CARMIL2: variants seen among roughly 807,000 people sequenced by gnomAD.
CARMIL2 encodes capping protein, Arp2/3 and myosin-I linker protein 2.
In CARMIL2, 96 loss-of-function variants were observed where a neutral mutation model predicts 173.3. That is an observed-to-expected ratio of 0.55 (90% CI 0.47 to 0.66). The LOEUF is 0.66. CARMIL2 is among the 30% of genes least tolerant of loss of function. The probability of loss-of-function intolerance (pLI) is 0.00; values close to 1 mark genes in which losing one functional copy is unlikely to be tolerated. For missense variants in CARMIL2, 1,771 were observed against 1,906.7 expected (o/e 0.93, Z 1.33); for synonymous variants, 830 against 817.1 (o/e 1.02, Z -0.27).
chr16:67,649,610 C>T lies in CARMIL2; in HGVS notation c.1910C>T (p.Ser637Leu), dbSNP rs1199727069. 1 of 1,591,246 alleles carries T rather than the reference C, an allele frequency of 6.3e-7. No homozygotes were observed. Among genetic ancestry groups the T allele is most frequent in the Non-Finnish European group, 8.5e-7 (1 of 1,174,170 alleles). ...KLLAKALRVN[S>L]RLRSVVWDRN... is the part of the protein sequence containing the mutation. ...CTGGCCAAGGCGCTGCGGGTCAACT[C>T]GAGGCTCCGGTGGGCGGGGTCAGAG... The change falls in exon 20 of 38, where the codon TCG becomes TTG. Residue 637 changes from serine (S) to leucine (L), a missense_variant. Around this residue, in one of 3 missense-constraint regions of CARMIL2, gnomAD observed 944 missense variants for 975.6 expected, o/e 0.97. Coordinates refer to ENST00000334583, the MANE Select transcript of CARMIL2 (RefSeq NM_001013838.3). The surrounding 1 kb of genome is among the most constrained non-coding windows in gnomAD (Gnocchi z 6.7).
Position 67,657,191 on chromosome 16 carries a change from A to AG in CARMIL2, c.4118-47dup. ...TGGAAGAGAGGGGCAGGGGATGGAC[A>AG]GACCCCAAGCCTTAGCAACCCACCC... On this transcript the variant is annotated intron_variant, in intron 36 of 37. Transcript: ENST00000334583. This position sits in a 1 kb window ranked among gnomAD's most constrained non-coding sequence, Gnocchi z 4.5. The AG allele has an allele frequency of 5.2e-6, 8 of 1,547,828 alleles. No individual in the cohort carries two copies. In the South Asian group the frequency reaches 8.0e-5, roughly 15 times the overall value.
intron 2 of CARMIL2, 45 bp from the exon 3 acceptor site, chr16:67,645,679 A>T: frequency 6.2e-7 from 1 of 1,613,268 alleles, no homozygotes; most frequent in Non-Finnish European, 8.5e-7. Context: ...GCCCCACAGA[A>T]AGAGCCTCTT....
In CARMIL2 at chr16:67,646,378, C is replaced by T. The variant is rs1387734471; in HGVS notation, c.375-48C>T. 1.2e-6 allele frequency: 2 copies of T among 1,607,126 alleles called. No homozygotes were observed. Among genetic ancestry groups the T allele is most frequent in the Non-Finnish European group, 1.7e-6 (2 of 1,175,354 alleles). On this transcript the variant is annotated intron_variant, in intron 5 of 37. Coordinates refer to ENST00000334583, the MANE Select transcript of CARMIL2 (RefSeq NM_001013838.3). The surrounding 1 kb of genome is among the most constrained non-coding windows in gnomAD (Gnocchi z 4.6). ...GTGCATGAGAAGGGCTGCTTCCCAT[C>T]CCAGAGGCTGGAAGTCCTTTGCCCC...
At position 67,653,124 on chromosome 16, in the gene CARMIL2, C is replaced by CA; in HGVS notation, c.2990_2991insA (p.Gly998TrpfsTer87). On this transcript the variant is annotated frameshift_variant, in exon 29 of 38. Coordinates refer to ENST00000334583, the MANE Select transcript of CARMIL2 (RefSeq NM_001013838.3). LOFTEE classifies it high-confidence loss of function. The surrounding 1 kb of genome is among the most constrained non-coding windows in gnomAD (Gnocchi z 7.4). ...CGCGGCTCTCCGAGCCCTGCCGCCC[C>CA]TGGGCCCCCGGCCGGCCCGCTGCCC... The CA allele has an allele frequency of 8.9e-7, 1 of 1,124,874 alleles. No homozygotes were observed. The highest frequency in any genetic ancestry group is 1.1e-6 in the Non-Finnish European group (1 of 918,318). 69.7% of individuals were successfully genotyped at this position (1,124,874 alleles called of 1,614,324 possible). A position where few individuals can be genotyped will look rare whatever the true frequency, so the allele number is the denominator to read the frequency against.
chr16:67,647,281 C>T lies in CARMIL2; in HGVS notation c.688-18C>T, dbSNP rs2052611947. The T allele has an allele frequency of 1.2e-6, 2 of 1,608,912 alleles. No individual in the cohort carries two copies. The highest frequency in any genetic ancestry group is 1.7e-5 in the Admixed American group (1 of 58,964). Reference sequence around the variant, plus strand: ...GGGCCAGGGTGCAGCCCGTGAGCCGCCGCCCTCTGCTTCTCAGAGCCTTGA... The same window carrying T: ...GGGCCAGGGTGCAGCCCGTGAGCCGTCGCCCTCTGCTTCTCAGAGCCTTGA... On this transcript the variant is annotated intron_variant, in intron 9 of 37. Coordinates refer to ENST00000334583, the MANE Select transcript of CARMIL2 (RefSeq NM_001013838.3).
At position 67,645,274 on chromosome 16, in the gene CARMIL2, T is replaced by A; in HGVS notation, c.28T>A (p.Cys10Ser). 6.2e-7 allele frequency: 1 copy of A among 1,604,226 alleles called. No individual in the cohort carries two copies. The highest frequency in any genetic ancestry group is 8.5e-7 in the Non-Finnish European group (1 of 1,176,092). The change falls in exon 1 of 38, where the codon TGT (cysteine) becomes AGT (serine). Residue 10 changes from cysteine (C) to serine (S), a missense_variant. Physicochemically the swap from Cys to Ser is moderately radical, Grantham distance 112. This residue lies in a region of CARMIL2 where 944 missense variants were observed against 975.6 expected (regional missense o/e 0.97). Coordinates refer to ENST00000334583, the MANE Select transcript of CARMIL2 (RefSeq NM_001013838.3). MAQTPDGISCELRGEITRFL... is the reference protein window; with the variant it reads MAQTPDGISSELRGEITRFL... ...GGCCCAGACCCCCGACGGCATCTCC[T>A]GTGAGCTCCGAGGTAAGCGCTGGCC...
Position 67,657,366 on chromosome 16 carries a change from A to T in CARMIL2, c.4196-40A>T. On this transcript the variant is annotated intron_variant, in intron 37 of 37. Transcript: ENST00000334583. The surrounding 1 kb of genome is among the most constrained non-coding windows in gnomAD (Gnocchi z 4.5). ...GGAGGGTGGCAGGACTGCTTAGCCC[A>T]GCCCTGACCCTTCCTCTCTCTCCCT... 1 of 1,608,436 alleles carries T rather than the reference A, an allele frequency of 6.2e-7. No homozygotes were observed.
intron 9 of CARMIL2, 47 bp downstream of exon 9, chr16:67,647,238 C>T: frequency 6.2e-7 from 1 of 1,611,546 alleles, no homozygotes; most frequent in East Asian, 2.2e-5. Flanking sequence ...GGGTGTGGGC[C>T]AGGGTGCAGC....
Position 67,652,369 on chromosome 16 carries a change from ACTCCCAGT to A in CARMIL2, c.2817+33_2817+40del. ...GTGGTTTTAGAACACGGGGCATGGC[ACTCCCAGT>A]CTTCCCATCTTGCTGTGGAGTGTGG... is the stretch of plus-strand genomic sequence containing the variant. On this transcript the variant is annotated intron_variant, in intron 27 of 37. Coordinates refer to ENST00000334583, the MANE Select transcript of CARMIL2 (RefSeq NM_001013838.3). This position sits in a 1 kb window ranked among gnomAD's most constrained non-coding sequence, Gnocchi z 4.7. 6.2e-7 allele frequency: 1 copy of A among 1,612,332 alleles called. No individual in the cohort carries two copies. The highest frequency in any genetic ancestry group is 8.5e-7 in the Non-Finnish European group (1 of 1,179,070).
chr16:67,655,882 G>A, intron 32 of CARMIL2, 149 bp from the exon 33 acceptor site: 4 of 782,982 alleles, frequency 5.1e-6, no homozygotes, highest in Non-Finnish European at 8.1e-6. Flanking sequence ...AGTGTGCAAA[G>A]AGTTCTAAGA....
intron 1 of CARMIL2, 114 bp downstream of exon 1, chr16:67,645,400 G>A (rs981779442): frequency 4.6e-5 from 64 of 1,387,098 alleles, no homozygotes; most frequent in Non-Finnish European, 6.0e-5. Context: ...TGCTCCCCAG[G>A]AGGGCAGGCG....
intron 22 of CARMIL2, chr16:67,650,916 G>C (rs2052710523): frequency 2.3e-6 from 1 of 428,964 alleles, no homozygotes; most frequent in African/African-American, 2.0e-5. Flanking sequence ...TCTATCCTCT[G>C]TGTGGACAGA....
Position 67,654,152 on chromosome 16 carries a change from C to A in CARMIL2, c.3124C>A (p.Pro1042Thr). ...HRPPPGGPQV[P>T]PALPQEGNGL... ...CTGACCCCATGATGCCCCCCAGGTA[C>A]CCCCAGCCTTGCCGCAGGAAGGGAA... The change falls in exon 30 of 38, where the codon CCC becomes ACC. Residue 1042 changes from proline (P) to threonine (T), a missense_variant. By Grantham distance (38) the Pro-to-Thr change is conservative. Around this residue, in one of 3 missense-constraint regions of CARMIL2, gnomAD observed 817 missense variants for 903.5 expected, o/e 0.90. Transcript: ENST00000334583. 1 of 1,551,788 alleles carries A rather than the reference C, an allele frequency of 6.4e-7. No individual in the cohort carries two copies. Among genetic ancestry groups the A allele is most frequent in the African/African-American group, 1.4e-5 (1 of 72,110 alleles).
intron 35 of CARMIL2, 49 bp from the exon 36 acceptor site, chr16:67,656,751 TG>T: frequency 6.4e-7 from 1 of 1,554,026 alleles, no homozygotes; most frequent in Non-Finnish European, 8.7e-7. Context: ...AGGCAAGGGC[TG>T]GAGTGGGGGC....
rs566260249 is a variant in CARMIL2, at chr16:67,654,088, G to C, written c.3121-61G>C. 9.8e-5 allele frequency: 109 copies of C among 1,110,160 alleles called. 3 individuals are homozygous for C. Among genetic ancestry groups the C allele is most frequent in the Middle Eastern group, 3.0e-4 (1 of 3,364 alleles). The allele number at this position is 1,110,160 out of a possible 1,614,324, so 68.8% of individuals were successfully genotyped here. A position where few individuals can be genotyped will look rare whatever the true frequency, so the allele number is the denominator to read the frequency against. On this transcript the variant is annotated intron_variant, in intron 29 of 37. Coordinates refer to ENST00000334583, the MANE Select transcript of CARMIL2 (RefSeq NM_001013838.3). Reference sequence around the variant, plus strand: ...CAGTCCAGGCTGCCGGCCGGGGGGGGGGGGGGGTAGAAGCCAGAGTTGCAC... The same window carrying C: ...CAGTCCAGGCTGCCGGCCGGGGGGGCGGGGGGGTAGAAGCCAGAGTTGCAC...
Position 67,646,399 on chromosome 16 carries a change from GC to G in CARMIL2, c.375-22del. Reference sequence around the variant, plus strand: ...CCATCCCAGAGGCTGGAAGTCCTTTGCCCCCTTCTCCTTAACCCCCTACCAG... The same window carrying G: ...CCATCCCAGAGGCTGGAAGTCCTTTGCCCCTTCTCCTTAACCCCCTACCAG... On this transcript the variant is annotated intron_variant, in intron 5 of 37. Transcript: ENST00000334583. The surrounding 1 kb of genome is among the most constrained non-coding windows in gnomAD (Gnocchi z 4.6). 6.2e-7 allele frequency: 1 copy of G among 1,609,556 alleles called. No homozygotes were observed. Among genetic ancestry groups the G allele is most frequent in the South Asian group, 1.1e-5 (1 of 90,688 alleles).
Position 67,652,622 on chromosome 16 carries a change from TCA to T in CARMIL2, c.2884+85_2884+86del. 7.6e-6 allele frequency: 10 copies of T among 1,320,820 alleles called. No individual in the cohort carries two copies. Among genetic ancestry groups the T allele is most frequent in the Non-Finnish European group, 1.1e-5 (10 of 936,100 alleles). The allele number at this position is 1,320,820 out of a possible 1,614,324, so 81.8% of individuals were successfully genotyped here. ...TGGGGACCCGGGGACCTGGATGAAC[TCA>T]TTCAGCCTTGTCTGGGTACCCACCA... On this transcript the variant is annotated intron_variant, in intron 28 of 37. Transcript: ENST00000334583. The surrounding 1 kb of genome is among the most constrained non-coding windows in gnomAD (Gnocchi z 4.7).
rs2052858793 is a variant in CARMIL2, at chr16:67,656,479, G to A, written c.3870G>A (p.Lys1290=). Residue 1290 remains lysine, a synonymous_variant, in exon 35 of 38, where the codon AAG becomes AAA. Transcript: ENST00000334583. ...AGGGGCCTGAGTCTGCCACCTGGAA[G>A]ACACTGGGGCAGCAGTTGAATGCGG... The part of the protein sequence containing the change: ...GSQGPESATW[K]TLGQQLNAEL... 6.2e-7 allele frequency: 1 copy of A among 1,612,650 alleles called. No homozygotes were observed. The highest frequency in any genetic ancestry group is 1.3e-5 in the African/African-American group (1 of 74,938).
rs1436318977 is a variant in CARMIL2, at chr16:67,656,504, G to A, written c.3895G>A (p.Glu1299Lys). The A allele has an allele frequency of 6.2e-7, 1 of 1,613,352 alleles. No homozygotes were observed. The highest frequency in any genetic ancestry group is 1.1e-5 in the South Asian group (1 of 91,010). The change falls in exon 35 of 38, where the codon GAG (glutamate) becomes AAG (lysine). Residue 1299 changes from glutamate to lysine, a missense_variant. Physicochemically the swap from Glu to Lys is moderately conservative, Grantham distance 56. This residue lies in a region of CARMIL2 where 817 missense variants were observed against 903.5 expected (regional missense o/e 0.90). Coordinates refer to ENST00000334583, the MANE Select transcript of CARMIL2 (RefSeq NM_001013838.3). ...GACACTGGGGCAGCAGTTGAATGCG[G>A]AGCTCAGGAGCCGTGGTTGGGGCCA... ...WKTLGQQLNA[E>K]LRSRGWGQQD...
Sources: gnomAD v4.1 joint callset for allele counts on GRCh38, gnomAD v4.1.1 for gene constraint, gnomAD v4.1.1 regional missense constraint, Gnocchi (gnomAD v3.1) non-coding constraint, MANE v1.5 for transcripts, NCBI Gene and HGNC (gene_info 2026-07-23, HGNC 2026-07-21) for gene names.